MCF2: variants seen among roughly 807,000 people sequenced by gnomAD.
MCF2 encodes proto-oncogene DBL.
A neutral mutation model predicts 82.5 loss-of-function variants in MCF2; 44 were observed. The observed-to-expected ratio is 0.53, with a 90% CI of 0.42 to 0.69. The LOEUF is 0.69. Ranked by LOEUF, MCF2 falls within the 30% of genes least tolerant of loss-of-function variation. The pLI is 0.00. For missense variants in MCF2, 623 were observed against 663.1 expected (o/e 0.94, Z 0.66); for synonymous variants, 217 against 224.9 (o/e 0.96, Z 0.32).
intron 1 of MCF2, among the ~76,000 whole-genome samples, chrX:139,682,737 C>CTTGG (rs1935029927): frequency 8.9e-6 from 1 of 111,813 alleles, no homozygotes; most frequent in Admixed American, 9.5e-5. Flanking sequence ...GTTATCCCAC[C>CTTGG]CCAGTCCTAC....
At chrX:139,639,964 C>T (rs7053940) in intron 1 of MCF2, among the ~76,000 whole-genome samples, 4,585 of 110,653 alleles carry the variant, frequency 0.041, 250 homozygotes, top group African/African-American at 0.14. Context: ...TCTTATTTAG[C>T]CTTCAAAACA....
intron 6 of MCF2, among the ~76,000 whole-genome samples, chrX:139,622,917 A>C (rs778363653): frequency 4.5e-5 from 5 of 111,506 alleles, no homozygotes; most frequent in African/African-American, 1.3e-4. Flanking sequence ...AACTCCACTA[A>C]AAAGTGAGCA....
At chrX:139,663,736 G>A (rs187274004) in intron 1 of MCF2, among the ~76,000 whole-genome samples, 1 of 110,023 alleles carries the variant, frequency 9.1e-6, no homozygotes, top group Non-Finnish European at 1.9e-5. Context: ...TTCTGGCTAG[G>A]TGATCTGTCT....
At chrX:139,595,985 T>C (rs1428253090) in intron 19 of MCF2, among the ~76,000 whole-genome samples, 1 of 111,084 alleles carries the variant, frequency 9.0e-6, no homozygotes, top group Non-Finnish European at 1.9e-5. Flanking sequence ...AAAGTAATTT[T>C]GAAAGACGGA....
intron 1 of MCF2, among the ~76,000 whole-genome samples, chrX:139,693,887 C>T (rs1671902232): frequency 8.9e-6 from 1 of 112,185 alleles, no homozygotes; most frequent in Admixed American, 9.4e-5. Flanking sequence ...TGAGATTGAT[C>T]TGCATATGGA....
At chrX:139,686,133 G>A (rs1215578014) in intron 1 of MCF2, among the ~76,000 whole-genome samples, 1 of 109,059 alleles carries the variant, frequency 9.2e-6, no homozygotes, top group Non-Finnish European at 1.9e-5. Context: ...AATAATAAGA[G>A]CCATCTATGA....
At chrX:139,612,955 T>C (rs1200744888) in intron 10 of MCF2, among the ~76,000 whole-genome samples, 1 of 111,982 alleles carries the variant, frequency 8.9e-6, no homozygotes, top group Non-Finnish European at 1.9e-5. Context: ...TCGCCAATTG[T>C]TTTTCTTTAT....
At chrX:139,645,889 G>A (rs761489928), upstream of MCF2, among the ~76,000 whole-genome samples, 4 of 111,245 alleles carry the variant, frequency 3.6e-5, no homozygotes, top group South Asian at 1.1e-3. Context: ...CTTTTAAATA[G>A]GAAAGTGATA....
At chrX:139,608,607 A>C (rs1436990520) in intron 11 of MCF2, among the ~76,000 whole-genome samples, 1 of 111,505 alleles carries the variant, frequency 9.0e-6, no homozygotes, top group Non-Finnish European at 1.9e-5. Flanking sequence ...CTTTGGGACA[A>C]CTAGAACCCA....
chrX:139,635,552 G>C (rs1265625709), intron 1 of MCF2, among the ~76,000 whole-genome samples: 1 of 110,182 alleles, frequency 9.1e-6, no homozygotes, highest in African/African-American at 3.3e-5. Context: ...CGCTCCTGGG[G>C]AGGCTGAAGC....
At chrX:139,607,594 T>C (rs1691917919) in intron 12 of MCF2, 97 bp downstream of exon 16, 1 of 548,907 alleles carries the variant, frequency 1.8e-6, no homozygotes, top group Admixed American at 3.9e-5. Context: ...AACCCCATTC[T>C]GTGAACTCAA....
intron 23 of MCF2, among the ~76,000 whole-genome samples, chrX:139,585,627 G>A (rs1178646962): frequency 8.9e-6 from 1 of 111,994 alleles, no homozygotes; most frequent in African/African-American, 3.2e-5. Flanking sequence ...AGTCTATGCT[G>A]TTGATCCTAG....
intron 1 of MCF2, among the ~76,000 whole-genome samples, chrX:139,637,957 G>A (rs1258250566): frequency 2.7e-5 from 3 of 111,321 alleles, no homozygotes; most frequent in Non-Finnish European, 5.7e-5. Flanking sequence ...AAGGAATGTG[G>A]ACGATCTCTG....
chrX:139,588,690 C>G (rs1223430515), intron 20 of MCF2, among the ~76,000 whole-genome samples: 2 of 109,919 alleles, frequency 1.8e-5, no homozygotes, highest in African/African-American at 6.6e-5. Context: ...GTGGGCAGAT[C>G]TCTTGAGCCC....
intron 1 of MCF2, among the ~76,000 whole-genome samples, chrX:139,637,996 C>A (rs1352379335): frequency 1.8e-5 from 2 of 111,416 alleles, no homozygotes; most frequent in Non-Finnish European, 3.8e-5. Context: ...GAAACAGATT[C>A]TTCTCTAGAG....
chrX:139,642,178 T>G (rs1053912934), intron 1 of MCF2, among the ~76,000 whole-genome samples: 1 of 111,839 alleles, frequency 8.9e-6, no homozygotes, highest in African/African-American at 3.2e-5. Flanking sequence ...GTCCAATGAT[T>G]CAAAATTGTT....
At chrX:139,674,110 T>C (rs1288798100) in intron 1 of MCF2, among the ~76,000 whole-genome samples, 1 of 110,806 alleles carries the variant, frequency 9.0e-6, no homozygotes, top group African/African-American at 3.4e-5. Context: ...TGGTTTAAAG[T>C]CTGTTTTATC....
At chrX:139,596,322 G>A (rs1308122554) in intron 19 of MCF2, among the ~76,000 whole-genome samples, 2 of 111,192 alleles carry the variant, frequency 1.8e-5, no homozygotes, top group African/African-American at 3.3e-5. Context: ...ACCTAGGATC[G>A]TAGTGAGAAG....
At chrX:139,608,819 A>G (rs754209319) in intron 11 of MCF2, among the ~76,000 whole-genome samples, 1 of 111,839 alleles carries the variant, frequency 8.9e-6, no homozygotes, top group African/African-American at 3.2e-5. Context: ...GGGAAAACTG[A>G]GGCTCAGACA....
Sources: allele counts gnomAD v4.1 joint callset (sites outside exome capture counted in the v4.1 genomes callset), GRCh38; gene constraint gnomAD v4.1.1; transcripts MANE v1.5; gene names NCBI Gene and HGNC (gene_info 2026-07-23, HGNC 2026-07-21).